Variants in SRSF12 observed in about 807,000 individuals in gnomAD.
SRSF12 encodes serine and arginine rich splicing factor 12.
Under a neutral mutation model 34.1 loss-of-function variants are expected in SRSF12, and 21 were observed. The ratio of observed to expected loss-of-function variants is 0.62; its 90% CI spans 0.44 to 0.89. The LOEUF (loss-of-function observed/expected upper bound fraction) is 0.89. Ranked by LOEUF, SRSF12 falls within the 40% of genes least tolerant of loss-of-function variation. The pLI is 0.00. For synonymous variants in SRSF12, 111 were observed against 110.8 expected, an observed-to-expected ratio of 1.00 and a Z score of -0.01; for missense variants, 278 against 327.8, an observed-to-expected ratio of 0.85 and a Z score of 1.17.
At chr6:89,110,549 G>A (rs1272124751) in intron 1 of SRSF12, among the ~76,000 whole-genome samples, 1 of 152,170 alleles carries the variant, frequency 6.6e-6, no homozygotes, top group Non-Finnish European at 1.5e-5. Context: ...ACCAGTCAGA[G>A]GTACTTTCCA....
Position 89,117,869 on chromosome 6 carries a change from G to C in SRSF12, c.19C>G (p.Pro7Ala). 1.3e-6 allele frequency: 2 copies of C among 1,562,302 alleles called. No homozygotes were observed. Among genetic ancestry groups the C allele is most frequent in the Non-Finnish European group, 8.6e-7 (1 of 1,156,596 alleles). The change falls in exon 1 of 5, where the codon CCC (proline) becomes GCC (alanine). Residue 7 changes from proline to alanine, a missense_variant. Coordinates refer to ENST00000452027, the MANE Select transcript of SRSF12 (RefSeq NM_080743.5). The stretch of plus-strand genomic sequence containing the variant: ...CTGATGAACAGGGAGGTGTTGGGGG[G>C]CCTCGTGTAGCGAGACATGACCGCT... Reference protein sequence around the residue: MSRYTRPPNTSLFIRNV... With the variant: MSRYTRAPNTSLFIRNV...
intron 1 of SRSF12, among the ~76,000 whole-genome samples, chr6:89,112,557 C>T (rs891566431): frequency 2.5e-4 from 37 of 150,008 alleles, no homozygotes; most frequent in Admixed American, 1.2e-3. Context: ...GGACTACAGG[C>T]ACGCATCACC....
chr6:89,115,125 G>A (rs1430395703), intron 1 of SRSF12, among the ~76,000 whole-genome samples: 5 of 148,702 alleles, frequency 3.4e-5, no homozygotes, highest in Non-Finnish European at 7.5e-5. Flanking sequence ...ACTCTCTAAA[G>A]GTCTCTCTGT....
Position 89,098,473 on chromosome 6 carries a change from T to C in SRSF12, c.*105A>G, listed in dbSNP as rs1029621709. On this transcript the variant is annotated 3_prime_UTR_variant, in exon 5 of 5. Transcript: ENST00000452027. ...ATTTCTTCCATATGCCCAAAGTAAC[T>C]AATATCAACTCGCATTTTCTGTATG... is the stretch of plus-strand genomic sequence containing the variant. The C allele has an allele frequency of 2.2e-6, 3 of 1,390,304 alleles. No individual in the cohort carries two copies. Among genetic ancestry groups the C allele is most frequent in the African/African-American group, 2.9e-5 (2 of 68,666 alleles). The allele number at this position is 1,390,304 out of a possible 1,614,324, so 86.1% of individuals were successfully genotyped here. A position where few individuals can be genotyped will look rare whatever the true frequency, so the allele number is the denominator to read the frequency against.
chr6:89,107,976 C>A (rs1254520297), intron 1 of SRSF12, among the ~76,000 whole-genome samples: 1 of 152,152 alleles, frequency 6.6e-6, no homozygotes, highest in African/African-American at 2.4e-5. Context: ...ACTTTAATTT[C>A]ATGTTTATGT....
chr6:89,115,145 T>TG (rs1368209224), intron 1 of SRSF12, among the ~76,000 whole-genome samples: 142 of 152,188 alleles, frequency 9.3e-4, no homozygotes, highest in Non-Finnish European at 1.9e-4. Flanking sequence ...TCACCCAGGC[T>TG]GGAGTACAGT....
intron 4 of SRSF12, among the ~76,000 whole-genome samples, chr6:89,104,557 T>C (rs941069723): frequency 2.6e-5 from 4 of 151,656 alleles, no homozygotes; most frequent in Admixed American, 6.6e-5. Flanking sequence ...TTTTTTTACT[T>C]TTTTTTTCTG....
Position 89,117,930 on chromosome 6 carries a change from G to C in SRSF12, c.-43C>G. ...CCTCCGGGTCTGCCCGCGGCCGCTG[G>C]ACTCGCTCCGTCTCCCGCTACCGCT... On this transcript the variant is annotated 5_prime_UTR_variant, in exon 1 of 5. Coordinates refer to ENST00000452027, the MANE Select transcript of SRSF12 (RefSeq NM_080743.5). The C allele has an allele frequency of 2.0e-6, 3 of 1,534,322 alleles. No individual in the cohort carries two copies. The South Asian group carries it at 3.6e-5, about 19-fold the overall frequency.
rs750723930 is a variant in SRSF12, at chr6:89,105,213, C to T, written c.322G>A (p.Asp108Asn). Residue 108 changes from aspartate to asparagine, a missense_variant, in exon 4 of 5, where the codon GAT (aspartate) becomes AAT (asparagine). Physicochemically the swap from Asp to Asn is conservative, Grantham distance 23. Transcript: ENST00000452027. ...SKERHPCSPSDHRRSRSPSQR... is the reference protein window; with the variant it reads ...SKERHPCSPSNHRRSRSPSQR... ...CTGGGGCTTCTTGATCTCCTGTGAT[C>T]ACTTGGAGAACAAGGATGACGTTCT... The T allele has an allele frequency of 6.2e-7, 1 of 1,612,238 alleles. No individual in the cohort carries two copies. The highest frequency in any genetic ancestry group is 1.3e-5 in the African/African-American group (1 of 75,018).
chr6:89,117,101 G>A (rs73754856), intron 1 of SRSF12, among the ~76,000 whole-genome samples: 9,137 of 151,988 alleles, frequency 0.06, 804 homozygotes, highest in African/African-American at 0.19. Context: ...TCATTCCTTA[G>A]TATCTGTGTT....
intron 1 of SRSF12, among the ~76,000 whole-genome samples, chr6:89,108,115 A>G (rs187010729): frequency 1.3e-5 from 2 of 152,314 alleles, no homozygotes; most frequent in African/African-American, 4.8e-5. Flanking sequence ...CCCAAATCTG[A>G]CAGGTATTTC....
intron 4 of SRSF12, among the ~76,000 whole-genome samples, chr6:89,099,439 T>TATATATGTGTGTATATAC (rs1562191966): frequency 3.1e-5 from 4 of 127,468 alleles, no homozygotes; most frequent in African/African-American, 1.3e-4. Flanking sequence ...TGTATATATA[T>TATATATGTGTGTATATAC]ACACATATAT....
chr6:89,108,434 T>C (rs897720332), intron 1 of SRSF12, among the ~76,000 whole-genome samples: 3 of 152,172 alleles, frequency 2.0e-5, no homozygotes, highest in Non-Finnish European at 4.4e-5. Flanking sequence ...GAGTAACCTA[T>C]CTAAGCTCAC....
At chr6:89,099,457 T>TATATATACACAC (rs1491447790) in intron 4 of SRSF12, among the ~76,000 whole-genome samples, 3 of 145,356 alleles carry the variant, frequency 2.1e-5, no homozygotes, top group Admixed American at 6.9e-5. Context: ...TATATGTGTG[T>TATATATACACAC]ATATATGTGT....
In SRSF12 at chr6:89,098,842, A is replaced by G; in HGVS notation, c.522T>C (p.Phe174=). Residue 174 remains phenylalanine, a synonymous_variant, in exon 5 of 5, where the codon TTT becomes TTC. Transcript: ENST00000452027. The part of the protein sequence containing the change: ...ARQSRTPRRN[F]GSRGRSRSKS... ...TGGACCTTGACCGTCCTCTAGAGCC[A>G]AAATTCCTTCTTGGAGTTCTTGACT... The G allele has an allele frequency of 6.2e-7, 1 of 1,614,006 alleles. No individual in the cohort carries two copies. The highest frequency in any genetic ancestry group is 8.5e-7 in the Non-Finnish European group (1 of 1,179,900).
intron 1 of SRSF12, among the ~76,000 whole-genome samples, chr6:89,113,802 C>T (rs2127996889): frequency 6.6e-6 from 1 of 152,218 alleles, no homozygotes; most frequent in Admixed American, 6.5e-5. Context: ...ACTACCACAC[C>T]TGGCTAATTT....
chr6:89,117,937 T>C lies in SRSF12; in HGVS notation c.-50A>G. On this transcript the variant is annotated 5_prime_UTR_variant, in exon 1 of 5. Transcript: ENST00000452027. ...GTCTGCCCGCGGCCGCTGGACTCGCTCCGTCTCCCGCTACCGCTGCTACCA... is the reference window on the plus strand; with the variant it reads ...GTCTGCCCGCGGCCGCTGGACTCGCCCCGTCTCCCGCTACCGCTGCTACCA... 1.3e-6 allele frequency: 2 copies of C among 1,523,368 alleles called. No individual in the cohort carries two copies. Among genetic ancestry groups the C allele is most frequent in the East Asian group, 2.8e-5 (1 of 35,498 alleles). The allele number at this position is 1,523,368 out of a possible 1,614,324, so 94.4% of individuals were successfully genotyped here.
At chr6:89,114,134 CA>C (rs1311375375) in intron 1 of SRSF12, among the ~76,000 whole-genome samples, 1 of 152,050 alleles carries the variant, frequency 6.6e-6, no homozygotes, top group Non-Finnish European at 1.5e-5. Context: ...ATGGGGTTAA[CA>C]AAGAACATAC....
chr6:89,115,833 C>A (rs1367704106), intron 1 of SRSF12, among the ~76,000 whole-genome samples: 1 of 151,556 alleles, frequency 6.6e-6, no homozygotes, highest in African/African-American at 2.4e-5. Context: ...GACGGGGTTT[C>A]ATCGTGCTAG....
Sources: gnomAD v4.1 joint callset for allele counts (sites outside exome capture counted in the v4.1 genomes callset) on GRCh38, gnomAD v4.1.1 for gene constraint, MANE v1.5 for transcripts, NCBI Gene and HGNC (gene_info 2026-07-23, HGNC 2026-07-21) for gene names.